The following PRR11 variants were observed in gnomAD, a reference collection of about 807,000 sequenced individuals.
The protein encoded by PRR11 is proline rich 11, also known as proline-rich protein 11.
PRR11 carries 30 observed loss-of-function variants against 45.6 expected under a neutral mutation model. The observed-to-expected ratio is 0.66, with a 90% confidence interval of 0.49 to 0.89. PRR11 has a LOEUF of 0.89. Among genes scored for constraint, PRR11 ranks in the 40% least tolerant of loss-of-function variants. PRR11 has a pLI of 0.00. For synonymous variants in PRR11, 128 were observed against 153.5 expected (o/e 0.83, Z 1.23); for missense variants, 373 against 424.8 (o/e 0.88, Z 1.07).
intron 2 of PRR11, chr17:59,181,816 C>CA (rs2046788394): frequency 6.6e-7 from 1 of 1,522,490 alleles, no homozygotes; most frequent in Non-Finnish European, 8.9e-7. Flanking sequence ...GACCCCGACC[C>CA]CAACCCCAAA....
intron 2 of PRR11, among the ~76,000 whole-genome samples, chr17:59,184,020 G>A (rs1489078815): frequency 2.6e-5 from 4 of 152,204 alleles, no homozygotes; most frequent in South Asian, 4.2e-4. Flanking sequence ...CAGGAAGATC[G>A]CTTGAGCCCA....
At chr17:59,158,047 C>T (rs887739001) in intron 1 of PRR11, among the ~76,000 whole-genome samples, 28 of 152,106 alleles carry the variant, frequency 1.8e-4, no homozygotes, top group African/African-American at 6.3e-4. Flanking sequence ...AGTAAAGGAA[C>T]CTTCAAATAC....
chr17:59,175,067 G>T, intron 2 of PRR11: 1 of 591,370 alleles, frequency 1.7e-6, no homozygotes. Flanking sequence ...TCCCGTACAG[G>T]AAGTAGAAAA....
chr17:59,177,101 G>A lies in PRR11; in HGVS notation c.128+7221G>A, dbSNP rs143569140. On this transcript the variant is annotated intron_variant, in intron 2 of 9. Coordinates refer to ENST00000262293, the MANE Select transcript of PRR11 (RefSeq NM_018304.4). ...TAGGTGCAAGAATAAATGAAAGGCTGGAATCCCACTTCCCCCGCTGTCCCA... is the reference window on the plus strand; with the variant it reads ...TAGGTGCAAGAATAAATGAAAGGCTAGAATCCCACTTCCCCCGCTGTCCCA... The A allele has an allele frequency of 2.4e-3, 1,354 of 553,230 alleles. 18 individuals are homozygous for A. The highest frequency in any genetic ancestry group is 0.024 in the African/African-American group (1,228 of 52,228). 34.3% of individuals were successfully genotyped at this position (553,230 alleles called of 1,614,324 possible).
chr17:59,186,553 C>T (rs1949477655), intron 4 of PRR11, among the ~76,000 whole-genome samples: 1 of 151,170 alleles, frequency 6.6e-6, no homozygotes, highest in South Asian at 2.1e-4. Flanking sequence ...TGCCACCTGC[C>T]CGGCAAATTT....
intron 1 of PRR11, among the ~76,000 whole-genome samples, chr17:59,161,331 C>A (rs1403755736): frequency 6.8e-6 from 1 of 147,552 alleles, no homozygotes. Context: ...CGCTTGAACT[C>A]GGGAGGCAGA....
Position 59,185,153 on chromosome 17 carries a change from G to C in PRR11, c.228G>C (p.Trp76Cys), listed in dbSNP as rs541636774. The C allele has an allele frequency of 5.0e-6, 8 of 1,613,858 alleles. No individual in the cohort carries two copies. In the African/African-American group the frequency reaches 1.1e-4, roughly 22 times the overall value. ...ACATCAGAGATGCAATAAAACTTTG[G>C]ACAAATAGAGTATGGTCTATATACA... The part of the protein sequence containing the change: ...FPNIRDAIKL[W>C]TNRVWSIYSW... Residue 76 changes from tryptophan to cysteine, a missense_variant, in exon 3 of 10, where the codon TGG (tryptophan) becomes TGC (cysteine). By Grantham distance (215) the Trp-to-Cys change is radical. Transcript: ENST00000262293.
chr17:59,178,057 G>A (rs1044662364), intron 2 of PRR11, among the ~76,000 whole-genome samples: 1 of 151,620 alleles, frequency 6.6e-6, no homozygotes, highest in Non-Finnish European at 1.5e-5. Context: ...GAGCCAGAGG[G>A]GCACAGTGGC....
In PRR11 at chr17:59,201,965, A is replaced by AAAAC. The variant is rs756922808; in HGVS notation, c.*350_*353dup. The AAAAC allele has an allele frequency of 2.9e-5, 7 of 242,646 alleles. No individual in the cohort carries two copies. Among genetic ancestry groups the AAAAC allele is most frequent in the East Asian group, 2.5e-4 (3 of 11,936 alleles). 15.0% of individuals were successfully genotyped at this position (242,646 alleles called of 1,614,324 possible). A position where few individuals can be genotyped will look rare whatever the true frequency, so the allele number is the denominator to read the frequency against. ...CAGCCTGAGCAACAAGAGCAAAACA[A>AAAAC]AAACAAACAAACAAACAAAAAAAAC... On this transcript the variant is annotated 3_prime_UTR_variant, in exon 10 of 10. Coordinates refer to ENST00000262293, the MANE Select transcript of PRR11 (RefSeq NM_018304.4).
intron 2 of PRR11, among the ~76,000 whole-genome samples, chr17:59,170,369 C>T (rs1275652833): frequency 6.6e-6 from 1 of 151,864 alleles, no homozygotes; most frequent in Admixed American, 6.6e-5. Flanking sequence ...ATTATGCATG[C>T]TTTATCTGAA....
At chr17:59,185,307 G>A in intron 3 of PRR11, 103 bp downstream of exon 3, 1 of 1,518,434 alleles carries the variant, frequency 6.6e-7, no homozygotes, top group South Asian at 1.3e-5. Context: ...GCTAAACTTA[G>A]ATAAGATGAA....
Position 59,201,738 on chromosome 17 carries a change from A to G in PRR11, c.*107A>G. On this transcript the variant is annotated 3_prime_UTR_variant, in exon 10 of 10. Coordinates refer to ENST00000262293, the MANE Select transcript of PRR11 (RefSeq NM_018304.4). ...GTAATCCCAGCACTTTGGGAGGCTGAGGCAGGTGGATCACCTGAGGTCAGG... is the reference window on the plus strand; with the variant it reads ...GTAATCCCAGCACTTTGGGAGGCTGGGGCAGGTGGATCACCTGAGGTCAGG... The G allele has an allele frequency of 8.6e-7, 1 of 1,163,264 alleles. No homozygotes were observed. The highest frequency in any genetic ancestry group is 1.7e-5 in the Admixed American group (1 of 57,430). 72.1% of individuals were successfully genotyped at this position (1,163,264 alleles called of 1,614,324 possible). A position where few individuals can be genotyped will look rare whatever the true frequency, so the allele number is the denominator to read the frequency against.
chr17:59,157,958 A>G (rs2046634138), intron 1 of PRR11, among the ~76,000 whole-genome samples: 1 of 152,248 alleles, frequency 6.6e-6, no homozygotes, highest in South Asian at 2.1e-4. Flanking sequence ...GCTAGTCACT[A>G]GAAGAGACTA....
chr17:59,167,196 A>G lies in PRR11; in HGVS notation c.-5-2552A>G, dbSNP rs112903534. Among the ~76,000 whole-genome samples, 943 of 152,284 alleles carry G rather than the reference A, an allele frequency of 6.2e-3. 13 individuals carry two copies. Among genetic ancestry groups the G allele is most frequent in the African/African-American group, 0.022 (898 of 41,548 alleles). On this transcript the variant is annotated intron_variant, in intron 1 of 9. Coordinates refer to ENST00000262293, the MANE Select transcript of PRR11 (RefSeq NM_018304.4). ...ATAAATAAATTGACCAATAATAATT[A>G]TACATATTTGTGGGGTACACAGTGA...
chr17:59,185,330 A>G, intron 3 of PRR11, 110 bp from the exon 4 acceptor site: 6 of 1,519,730 alleles, frequency 3.9e-6, no homozygotes, highest in Non-Finnish European at 5.3e-6. Context: ...TATTGAGTCA[A>G]GTCTGCCTTT....
chr17:59,183,913 C>A (rs557244502), intron 2 of PRR11, among the ~76,000 whole-genome samples: 1 of 151,962 alleles, frequency 6.6e-6, no homozygotes, highest in African/African-American at 2.4e-5. Context: ...GTGTAGGCAA[C>A]ATAGCATGAC....
chr17:59,165,629 CTAAAAA>C lies in PRR11; in HGVS notation c.-5-4116_-5-4111del, dbSNP rs565879847. Among the ~76,000 whole-genome samples the C allele has an allele frequency of 6.2e-3, 946 of 152,044 alleles. 12 individuals carry two copies. Among genetic ancestry groups the C allele is most frequent in the African/African-American group, 0.022 (918 of 41,520 alleles). ...CCAGCATGGAGAAACCCCGTCTCTA[CTAAAAA>C]TACAAAATTAGCCGGGCGTGGTGGT... On this transcript the variant is annotated intron_variant, in intron 1 of 9. Coordinates refer to ENST00000262293, the MANE Select transcript of PRR11 (RefSeq NM_018304.4).
chr17:59,188,359 ATAAT>A (rs2046824095), intron 4 of PRR11, among the ~76,000 whole-genome samples: 1 of 152,208 alleles, frequency 6.6e-6, no homozygotes, highest in South Asian at 2.1e-4. Flanking sequence ...TCTGTGGGCT[ATAAT>A]TAATTAACAT....
rs1390860939 is a variant in PRR11 at position 59,178,544 on chromosome 17, A to G, written c.129-6510A>G. 29 of 526,116 alleles carry G rather than the reference A, an allele frequency of 5.5e-5. No individual in the cohort carries two copies. The East Asian group carries it at 1.5e-3, about 27-fold the overall frequency. 32.6% of individuals were successfully genotyped at this position (526,116 alleles called of 1,614,324 possible). ...ATGACAGGATCCTCTGTGATTAGAG[A>G]GTAGATGTCAGCTTGAAAAGCAGGA... On this transcript the variant is annotated intron_variant, in intron 2 of 9. Transcript: ENST00000262293.
Sources: allele counts gnomAD v4.1 joint callset (sites outside exome capture counted in the v4.1 genomes callset), GRCh38; gene constraint gnomAD v4.1.1; transcripts MANE v1.5; gene names NCBI Gene and HGNC (gene_info 2026-07-23, HGNC 2026-07-21).